Variants in TTC39A observed in about 807,000 individuals in gnomAD.
The protein encoded by TTC39A is tetratricopeptide repeat protein 39A.
TTC39A carries 46 observed loss-of-function variants against 82.3 expected under a neutral mutation model. That is an observed-to-expected ratio of 0.56 (90% CI 0.44 to 0.71). The LOEUF is 0.71. TTC39A is among the 30% of genes least tolerant of loss of function. The probability of loss-of-function intolerance (pLI) is 0.00; values close to 1 mark genes in which losing one functional copy is unlikely to be tolerated. For synonymous variants in TTC39A, 254 were observed against 275.2 expected, an observed-to-expected ratio of 0.92 and a Z score of 0.76; for missense variants, 543 against 712.9, an observed-to-expected ratio of 0.76 and a Z score of 2.71.
intron 12 of TTC39A, chr1:51,300,095 A>C (rs1303103502): frequency 1.3e-5 from 2 of 152,210 alleles, no homozygotes; most frequent in Non-Finnish European, 2.9e-5. Context: ...AGAGAAGCAG[A>C]GGCCTCTGAG....
At chr1:51,341,063 C>T (rs945797648) in intron 1 of TTC39A, among the ~76,000 whole-genome samples, 5 of 152,026 alleles carry the variant, frequency 3.3e-5, no homozygotes, top group Admixed American at 6.6e-5. Flanking sequence ...CCCAGCTACT[C>T]GGGAGGCTGA....
upstream of TTC39A, chr1:51,330,839 G>A (rs1026191966): frequency 6.0e-6 from 3 of 499,360 alleles, no homozygotes; most frequent in Non-Finnish European, 1.1e-5. The surrounding 1 kb of genome is among the most constrained non-coding windows in gnomAD (Gnocchi z 4.5). Flanking sequence ...CGGGACCTGA[G>A]GTCCACTTTA....
chr1:51,329,965 G>T, intron 1 of TTC39A: 1 of 213,102 alleles, frequency 4.7e-6, no homozygotes, highest in Non-Finnish European at 8.1e-6. Context: ...TTCCCCTAAT[G>T]TCCCTGAAGA....
chr1:51,323,646 G>A (rs753899328), intron 1 of TTC39A, among the ~76,000 whole-genome samples: 26 of 152,006 alleles, frequency 1.7e-4, no homozygotes, highest in Non-Finnish European at 3.7e-4. Flanking sequence ...TCTTTCATTA[G>A]GTGTGTCTGA....
At chr1:51,290,193 T>C in intron 15 of TTC39A, 74 bp from the exon 16 acceptor site, 5 of 1,382,686 alleles carry the variant, frequency 3.6e-6, no homozygotes, top group Non-Finnish European at 5.0e-6. Flanking sequence ...GCCCCCTACT[T>C]TGTGCTAGGT....
At chr1:51,318,818 A>G (rs1300271293) in intron 2 of TTC39A, among the ~76,000 whole-genome samples, 1 of 152,180 alleles carries the variant, frequency 6.6e-6, no homozygotes, top group African/African-American at 2.4e-5. Context: ...TCTGGGGGCC[A>G]GCTCTCTAGG....
chr1:51,345,060 C>T (rs908790086), exon 1 of TTC39A: 12 of 1,387,206 alleles, frequency 8.7e-6, no homozygotes, highest in Non-Finnish European at 1.1e-5. Flanking sequence ...GGGCCGGGCT[C>T]GGACGGGGCC....
chr1:51,292,051 G>A (rs188846046), intron 14 of TTC39A, among the ~76,000 whole-genome samples: 42 of 152,188 alleles, frequency 2.8e-4, no homozygotes, highest in Admixed American at 2.7e-3. Context: ...AATAGTAGCT[G>A]AGCATGGCGG....
intron 1 of TTC39A, among the ~76,000 whole-genome samples, chr1:51,336,414 T>C (rs1645975530): frequency 6.6e-6 from 1 of 152,092 alleles, no homozygotes. Context: ...CAAGAACTCA[T>C]GGGCCCTCCC....
rs1235031534 is a variant in TTC39A, at chr1:51,309,290, G to A, written c.459C>T (p.Ile153=). The A allele has an allele frequency of 1.9e-6, 3 of 1,612,592 alleles. No homozygotes were observed. The highest frequency in any genetic ancestry group is 2.5e-6 in the Non-Finnish European group (3 of 1,179,406). The change falls in exon 6 of 18, where the codon ATC becomes ATT. Residue 153 remains isoleucine (I), a synonymous_variant. Transcript: ENST00000680483. ...ENMVSFIKGG[I]KVRNSYQTYK... ...AGGTCTGGTAGCTGTTTCGAACTTT[G>A]ATGCCGCCTTTGATGAAGCTCACCA...
In TTC39A at chr1:51,288,024, A is replaced by G. The variant is rs115992765; in HGVS notation, c.*133T>C. 4.7e-3 allele frequency: 6,438 copies of G among 1,373,730 alleles called. 194 individuals carry two copies. The African/African-American group carries it at 0.074, about 16-fold the overall frequency. The allele number at this position is 1,373,730 out of a possible 1,614,324, so 85.1% of individuals were successfully genotyped here. On this transcript the variant is annotated 3_prime_UTR_variant, in exon 18 of 18. Transcript: ENST00000680483. This position sits in a 1 kb window ranked among gnomAD's most constrained non-coding sequence, Gnocchi z 4.8. ...AGCTCGGCTTCTGCACGGATACACT[A>G]TGTTGTGCCATCCAACTGGAGTGCC...
chr1:51,336,067 C>G (rs971069698), upstream of TTC39A, among the ~76,000 whole-genome samples: 3 of 152,022 alleles, frequency 2.0e-5, no homozygotes, highest in Admixed American at 6.6e-5. Flanking sequence ...CCAGATACCC[C>G]CTCTTCAGAG....
intron 9 of TTC39A, 97 bp from the exon 10 acceptor site, chr1:51,302,670 T>TC (rs1644717781): frequency 7.7e-7 from 1 of 1,294,912 alleles, no homozygotes; most frequent in African/African-American, 1.5e-5. Flanking sequence ...GGTCTCCCCC[T>TC]CCCCCTCTGT....
At chr1:51,305,225 C>A in intron 7 of TTC39A, 79 bp from the exon 8 acceptor site, 1 of 1,395,250 alleles carries the variant, frequency 7.2e-7, no homozygotes, top group Non-Finnish European at 1.0e-6. Context: ...AAGTCTAGCT[C>A]TTTAACAGGC....
At chr1:51,332,907 T>C (rs1244585830), upstream of TTC39A, among the ~76,000 whole-genome samples, 1 of 152,066 alleles carries the variant, frequency 6.6e-6, no homozygotes, top group Non-Finnish European at 1.5e-5. Flanking sequence ...ATTAAAAATA[T>C]TGTGTATAAA....
chr1:51,290,889 C>A (rs142976826), intron 14 of TTC39A, among the ~76,000 whole-genome samples: 1 of 152,256 alleles, frequency 6.6e-6, no homozygotes, highest in Non-Finnish European at 1.5e-5. Flanking sequence ...CTCATAGCTG[C>A]CCAAGTTTTC....
In TTC39A at chr1:51,321,214, G is replaced by A. The variant is rs771655468; in HGVS notation, c.146+507C>T. ...AGTGATAAGAAAGGGTGAGTTTTAC[G>A]GTATCTGAATTACATCTCAATTTTT... On this transcript the variant is annotated intron_variant, in intron 2 of 17. Coordinates refer to ENST00000680483, the MANE Select transcript of TTC39A (RefSeq NM_001297663.2). This position sits in a 1 kb window ranked among gnomAD's most constrained non-coding sequence, Gnocchi z 4.6. Among the ~76,000 whole-genome samples the A allele has an allele frequency of 1.7e-4, 26 of 152,112 alleles. No homozygotes were observed. Among genetic ancestry groups the A allele is most frequent in the Non-Finnish European group, 2.2e-4 (15 of 68,030 alleles).
intron 1 of TTC39A, among the ~76,000 whole-genome samples, chr1:51,325,102 A>G (rs1030138150): frequency 9.2e-5 from 14 of 151,940 alleles, no homozygotes; most frequent in African/African-American, 3.4e-4. Context: ...TAAAAATACA[A>G]TATTAACTGG....
intron 2 of TTC39A, among the ~76,000 whole-genome samples, chr1:51,320,999 A>C (rs1183841519): frequency 1.4e-5 from 2 of 147,996 alleles, no homozygotes; most frequent in Non-Finnish European, 3.0e-5. Context: ...CAGCCTCCTG[A>C]GTAGCTGGGA....
Sources: gnomAD v4.1 joint callset for allele counts (sites outside exome capture counted in the v4.1 genomes callset) on GRCh38, gnomAD v4.1.1 for gene constraint, Gnocchi (gnomAD v3.1) non-coding constraint, MANE v1.5 for transcripts, NCBI Gene and HGNC (gene_info 2026-07-23, HGNC 2026-07-21) for gene names.